Variants in NDST3 observed in about 807,000 individuals in gnomAD.
The protein encoded by NDST3 is N-deacetylase and N-sulfotransferase 3, also known as bifunctional heparan sulfate N-deacetylase/N-sulfotransferase 3.
NDST3 carries 58 observed loss-of-function variants against 96.1 expected under a neutral mutation model. That is an observed-to-expected ratio of 0.60 (90% CI 0.49 to 0.75). The LOEUF is 0.75. NDST3 is among the 30% of genes least tolerant of loss of function. NDST3 has a pLI of 0.00. For synonymous variants in NDST3, 333 were observed against 359.7 expected (o/e 0.93, Z 0.84); for missense variants, 788 against 1,034.2 (o/e 0.76, Z 3.27).
At chr4:118,233,509 C>A (rs1329427999) in intron 9 of NDST3, among the ~76,000 whole-genome samples, 1 of 151,734 alleles carries the variant, frequency 6.6e-6, no homozygotes, top group Admixed American at 6.6e-5. Context: ...GATGCTACAG[C>A]CAACATATGT....
intron 2 of NDST3, 22 bp from the exon 3 acceptor site, chr4:118,104,996 T>TTC (rs1217114180): frequency 1.2e-6 from 2 of 1,601,252 alleles, no homozygotes; most frequent in South Asian, 2.2e-5. Context: ...ACCTGATACA[T>TTC]TTTTTAAATT....
intron 6 of NDST3, among the ~76,000 whole-genome samples, chr4:118,203,353 C>T (rs1168958818): frequency 6.6e-6 from 1 of 151,846 alleles, no homozygotes; most frequent in Non-Finnish European, 1.5e-5. Context: ...GGAACCCCTC[C>T]TCTTTGATTT....
chr4:118,070,151 G>A (rs1050149709), intron 2 of NDST3, among the ~76,000 whole-genome samples: 1 of 152,074 alleles, frequency 6.6e-6, no homozygotes, highest in Non-Finnish European at 1.5e-5. Flanking sequence ...TTATCTCTGG[G>A]TTTGTTTCTT....
chr4:118,129,415 T>C (rs545472503), intron 4 of NDST3, among the ~76,000 whole-genome samples: 1 of 152,140 alleles, frequency 6.6e-6, no homozygotes, highest in East Asian at 1.9e-4. Flanking sequence ...CAGAAAGTTT[T>C]TCAATTTCCA....
chr4:118,223,053 C>T (rs1370360523), intron 6 of NDST3, among the ~76,000 whole-genome samples: 2 of 151,848 alleles, frequency 1.3e-5, no homozygotes, highest in East Asian at 1.9e-4. Context: ...TAAAAATACA[C>T]ATTTTTAAAA....
chr4:118,237,825 T>C (rs771629104), intron 10 of NDST3, among the ~76,000 whole-genome samples: 62 of 152,110 alleles, frequency 4.1e-4, no homozygotes, highest in Non-Finnish European at 7.2e-4. Flanking sequence ...TAAGAATCTT[T>C]AGGCTGGGCG....
At chr4:118,228,184 A>G (rs918621890) in intron 8 of NDST3, among the ~76,000 whole-genome samples, 3 of 152,222 alleles carry the variant, frequency 2.0e-5, no homozygotes. Flanking sequence ...GCAGATATCA[A>G]TCTGAAAACA....
rs1275341926 is a variant in NDST3, at chr4:118,257,912, C to A, written c.*2200C>A. Reference sequence around the variant, plus strand: ...TTCCATCTCCACCAACTTAAGAAAACTGGCTTAGGAAGGTTAAACATGAGA... The same window carrying A: ...TTCCATCTCCACCAACTTAAGAAAAATGGCTTAGGAAGGTTAAACATGAGA... On this transcript the variant is annotated 3_prime_UTR_variant, in exon 14 of 14. Transcript: ENST00000296499. The A allele has an allele frequency of 6.6e-6, 1 of 152,124 alleles. No individual in the cohort carries two copies. The highest frequency in any genetic ancestry group is 2.4e-5 in the African/African-American group (1 of 41,416). 9.4% of individuals were successfully genotyped at this position (152,124 alleles called of 1,614,324 possible).
chr4:118,128,666 A>G (rs1732333736), intron 4 of NDST3, among the ~76,000 whole-genome samples: 1 of 151,716 alleles, frequency 6.6e-6, no homozygotes, highest in South Asian at 2.1e-4. Context: ...ATGTGTCTTT[A>G]TCTGGTTTCG....
chr4:118,099,656 TG>T (rs1456869015), intron 2 of NDST3, among the ~76,000 whole-genome samples: 1 of 152,076 alleles, frequency 6.6e-6, no homozygotes, highest in Non-Finnish European at 1.5e-5. Flanking sequence ...CTATCTTTCC[TG>T]CATTCTTTCT....
intron 2 of NDST3, among the ~76,000 whole-genome samples, chr4:118,057,061 A>C (rs558379126): frequency 1.7e-4 from 26 of 152,082 alleles, no homozygotes; most frequent in Admixed American, 2.6e-4. Context: ...AATTTCTTGA[A>C]ACCAGGAAAT....
chr4:118,047,818 G>A (rs573794802), intron 1 of NDST3, among the ~76,000 whole-genome samples: 1 of 152,148 alleles, frequency 6.6e-6, no homozygotes, highest in Non-Finnish European at 1.5e-5. Context: ...AAATATATTT[G>A]AGTATATTTC....
intron 2 of NDST3, among the ~76,000 whole-genome samples, chr4:118,088,710 C>A (rs1001402206): frequency 6.6e-6 from 1 of 152,002 alleles, no homozygotes; most frequent in Non-Finnish European, 1.5e-5. Context: ...CATGAAGGGT[C>A]TTTCTAAAAT....
At chr4:118,059,146 A>G (rs1291589791) in intron 2 of NDST3, among the ~76,000 whole-genome samples, 1 of 152,068 alleles carries the variant, frequency 6.6e-6, no homozygotes, top group African/African-American at 2.4e-5. Context: ...AATTCCTAAC[A>G]TTCTTCGGAA....
At chr4:118,065,428 T>C (rs546325283) in intron 2 of NDST3, among the ~76,000 whole-genome samples, 13 of 152,226 alleles carry the variant, frequency 8.5e-5, no homozygotes, top group Admixed American at 8.5e-4. Context: ...AAGTAACTCT[T>C]CCTTCACTTA....
intron 4 of NDST3, among the ~76,000 whole-genome samples, chr4:118,130,749 C>G (rs1376520333): frequency 2.6e-5 from 4 of 152,144 alleles, no homozygotes; most frequent in Non-Finnish European, 4.4e-5. Flanking sequence ...TCTTATAAGA[C>G]AGGTCTGGTG....
At chr4:118,182,243 G>A (rs535795546) in intron 6 of NDST3, among the ~76,000 whole-genome samples, 9 of 152,110 alleles carry the variant, frequency 5.9e-5, no homozygotes, top group Admixed American at 1.3e-4. Context: ...CTCGGGACAC[G>A]AATTGAAACA....
intron 6 of NDST3, among the ~76,000 whole-genome samples, chr4:118,174,495 C>T (rs1431744065): frequency 1.3e-5 from 2 of 152,124 alleles, no homozygotes; most frequent in South Asian, 4.1e-4. Flanking sequence ...TTCTGTACAG[C>T]TGGCTGGACT....
chr4:118,107,359 G>T (rs1232319358), intron 3 of NDST3, among the ~76,000 whole-genome samples: 1 of 152,032 alleles, frequency 6.6e-6, no homozygotes, highest in Non-Finnish European at 1.5e-5. Context: ...ACAATTTCAT[G>T]ATTGAAAGCA....
Sources: allele counts gnomAD v4.1 joint callset (sites outside exome capture counted in the v4.1 genomes callset), GRCh38; gene constraint gnomAD v4.1.1; transcripts MANE v1.5; gene names NCBI Gene and HGNC (gene_info 2026-07-23, HGNC 2026-07-21).